Variants in ZNF90 observed in about 807,000 individuals in gnomAD.
The protein encoded by ZNF90 is zinc finger protein 90.
In ZNF90, 11 loss-of-function variants were observed where a neutral mutation model predicts 12.0. That is an observed-to-expected ratio of 0.92 (90% confidence interval 0.58 to 1.52). ZNF90 has a LOEUF of 1.52. Among genes scored for constraint, ZNF90 ranks in the 40% most tolerant of loss-of-function variants. The pLI is 0.00. For missense variants in ZNF90, 765 were observed against 711.5 expected (o/e 1.08, Z -0.86); for synonymous variants, 232 against 240.1 (o/e 0.97, Z 0.31).
At chr19:20,105,185 G>A in intron 2 of ZNF90, 36 bp from the exon 3 acceptor site, 1 of 1,514,154 alleles carries the variant, frequency 6.6e-7, no homozygotes, top group Non-Finnish European at 9.0e-7. Flanking sequence ...TGGAGAATAT[G>A]AGGAAGATTC....
chr19:20,107,228 T>C, intron 3 of ZNF90: 1 of 316,058 alleles, frequency 3.2e-6, no homozygotes, highest in South Asian at 2.6e-5. Flanking sequence ...TTGGGTGCCT[T>C]TCTCCAGGTC....
At chr19:20,090,199 A>G (rs2088891620) in intron 1 of ZNF90, among the ~76,000 whole-genome samples, 1 of 152,166 alleles carries the variant, frequency 6.6e-6, no homozygotes, top group South Asian at 2.1e-4. Context: ...GAATAGGAGT[A>G]TGACCGGACA....
At chr19:20,103,900 G>T (rs575035316) in intron 1 of ZNF90, among the ~76,000 whole-genome samples, 2 of 151,764 alleles carry the variant, frequency 1.3e-5, no homozygotes, top group Admixed American at 6.6e-5. Context: ...CTAAGTCACC[G>T]TGTCTTTTCT....
intron 1 of ZNF90, 137 bp downstream of exon 1, chr19:20,078,272 T>C: frequency 8.9e-7 from 1 of 1,120,510 alleles, no homozygotes; most frequent in South Asian, 1.4e-5. Flanking sequence ...CAGTTCGGCC[T>C]CAGTCCCCTT....
intron 3 of ZNF90, among the ~76,000 whole-genome samples, chr19:20,110,583 T>C (rs186475294): frequency 5.9e-5 from 9 of 152,326 alleles, no homozygotes; most frequent in African/African-American, 1.7e-4. Context: ...ATATTTTGGA[T>C]ATAGATTTCT....
chr19:20,086,359 A>G (rs113880862), intron 1 of ZNF90, among the ~76,000 whole-genome samples: 2 of 149,062 alleles, frequency 1.3e-5, no homozygotes, highest in Non-Finnish European at 3.0e-5. Context: ...CTCAGCCTCC[A>G]GAATAGCTGG....
intron 1 of ZNF90, among the ~76,000 whole-genome samples, chr19:20,092,161 C>T (rs2122488701): frequency 6.6e-6 from 1 of 152,058 alleles, no homozygotes; most frequent in East Asian, 1.9e-4. Context: ...TTGTGGGAGA[C>T]TCAACAAAGA....
intron 3 of ZNF90, among the ~76,000 whole-genome samples, chr19:20,110,291 T>A (rs1441045913): frequency 6.6e-6 from 1 of 152,154 alleles, no homozygotes; most frequent in African/African-American, 2.4e-5. Flanking sequence ...TTGTTTTATT[T>A]TTTTTGAGAT....
At chr19:20,078,363 TG>T (rs1421271587) in intron 1 of ZNF90, among the ~76,000 whole-genome samples, 1 of 151,912 alleles carries the variant, frequency 6.6e-6, no homozygotes, top group East Asian at 1.9e-4. Context: ...GAGCCCTCTC[TG>T]GGCAGCTCTG....
At chr19:20,086,839 A>G (rs565085385) in intron 1 of ZNF90, among the ~76,000 whole-genome samples, 1 of 152,358 alleles carries the variant, frequency 6.6e-6, no homozygotes, top group African/African-American at 2.4e-5. Flanking sequence ...AGGGATTATT[A>G]TGAGTAAACA....
At chr19:20,104,513 G>C in intron 2 of ZNF90, 148 bp downstream of exon 2, 1 of 1,002,448 alleles carries the variant, frequency 1.0e-6, no homozygotes, top group East Asian at 2.9e-5. Context: ...TCTTTTAGAA[G>C]TGAATTTCTT....
chr19:20,109,599 G>T (rs903045319), intron 3 of ZNF90, among the ~76,000 whole-genome samples: 2 of 152,020 alleles, frequency 1.3e-5, no homozygotes, highest in African/African-American at 4.8e-5. Flanking sequence ...GGTCAGGCAT[G>T]GTTGTGGCTC....
intron 3 of ZNF90, chr19:20,106,998 T>C (rs782365254): frequency 6.6e-6 from 3 of 454,550 alleles, no homozygotes; most frequent in South Asian, 4.7e-5. Flanking sequence ...TAGGGCATGT[T>C]TTTGCAGTCG....
At chr19:20,082,246 T>C (rs376466589) in intron 1 of ZNF90, among the ~76,000 whole-genome samples, 3 of 152,294 alleles carry the variant, frequency 2.0e-5, no homozygotes, top group South Asian at 4.1e-4. Flanking sequence ...CTACTAGGTC[T>C]CAGTGTCTGT....
rs544779599 is a variant in ZNF90 at position 20,117,629 on chromosome 19, A to G, written c.227-152A>G. 8.6e-5 allele frequency: 85 copies of G among 984,746 alleles called. 1 individual carries two copies. The African/African-American group carries it at 1.3e-3, about 16-fold the overall frequency. The allele number at this position is 984,746 out of a possible 1,614,324, so 61.0% of individuals were successfully genotyped here. A position where few individuals can be genotyped will look rare whatever the true frequency, so the allele number is the denominator to read the frequency against. ...TTTGTAAATGTAACCTGTATTTATC[A>G]GAATCTAGCAATTGAAGTAATGTGT... On this transcript the variant is annotated intron_variant, in intron 3 of 3. Transcript: ENST00000418063.
chr19:20,112,471 G>C (rs1555705235), intron 3 of ZNF90, among the ~76,000 whole-genome samples: 1 of 151,908 alleles, frequency 6.6e-6, no homozygotes, highest in Non-Finnish European at 1.5e-5. Flanking sequence ...ACAGGTGTGT[G>C]CCACCACACC....
intron 3 of ZNF90, among the ~76,000 whole-genome samples, chr19:20,114,460 A>G (rs2089118528): frequency 6.6e-6 from 1 of 152,196 alleles, no homozygotes; most frequent in African/African-American, 2.4e-5. Flanking sequence ...TTCAAAGAGC[A>G]TAACTGATTT....
At chr19:20,091,652 C>T (rs995167794) in intron 1 of ZNF90, among the ~76,000 whole-genome samples, 1 of 152,144 alleles carries the variant, frequency 6.6e-6, no homozygotes, top group Non-Finnish European at 1.5e-5. Context: ...ATGCCCCTTG[C>T]AGTGAATGAC....
Position 20,118,128 on chromosome 19 carries a change from A to C in ZNF90, c.574A>C (p.Lys192Gln), listed in dbSNP as rs1183231835. Residue 192 changes from lysine to glutamine, a missense_variant, in exon 4 of 4, where the codon AAG becomes CAG. By Grantham distance (53) the Lys-to-Gln change is moderately conservative. Transcript: ENST00000418063. The stretch of plus-strand genomic sequence containing the variant: ...CCAGTCCTCAACCCTTGCTACACAT[A>C]AGAAAATTCATACTGGAGAGATAAC... ...FNQSSTLATH[K>Q]KIHTGEITCK... is the part of the protein sequence containing the mutation. The C allele has an allele frequency of 6.2e-7, 1 of 1,610,628 alleles. No individual in the cohort carries two copies. Among genetic ancestry groups the C allele is most frequent in the Non-Finnish European group, 8.5e-7 (1 of 1,178,126 alleles).
Sources: gnomAD v4.1 joint callset for allele counts (sites outside exome capture counted in the v4.1 genomes callset) on GRCh38, gnomAD v4.1.1 for gene constraint, MANE v1.5 for transcripts, NCBI Gene and HGNC (gene_info 2026-07-23, HGNC 2026-07-21) for gene names.